The following C12orf56 variants were observed in gnomAD, a reference collection of about 807,000 sequenced individuals.
C12orf56 encodes uncharacterized protein C12orf56.
A neutral mutation model predicts 69.9 loss-of-function variants in C12orf56; 71 were observed. The ratio of observed to expected loss-of-function variants is 1.02; its 90% CI spans 0.84 to 1.24. The LOEUF (loss-of-function observed/expected upper bound fraction) is 1.24, where lower values mean the gene tolerates loss of function less well. Among genes scored for constraint, C12orf56 ranks in the 50% most tolerant of loss-of-function variants. The pLI, the probability that C12orf56 is intolerant of heterozygous loss-of-function variation, is 0.00. For synonymous variants in C12orf56, 276 were observed against 274.1 expected (o/e 1.01, Z -0.07); for missense variants, 732 against 738.5 (o/e 0.99, Z 0.10).
At chr12:64,277,169 G>A (rs1201307099) in intron 9 of C12orf56, among the ~76,000 whole-genome samples, 3 of 152,040 alleles carry the variant, frequency 2.0e-5, no homozygotes, top group Admixed American at 6.6e-5. Context: ...CAGAAGGTAT[G>A]CCTTCTAGGC....
chr12:64,375,534 G>A (rs1471668548), intron 1 of C12orf56, among the ~76,000 whole-genome samples: 1 of 152,186 alleles, frequency 6.6e-6, no homozygotes, highest in African/African-American at 2.4e-5. Flanking sequence ...GTGTAGTGGT[G>A]GTTCAAGAAG....
intron 10 of C12orf56, 157 bp from the exon 11 acceptor site, chr12:64,275,132 A>G (rs2038034426): frequency 1.3e-6 from 1 of 770,324 alleles, no homozygotes; most frequent in Non-Finnish European, 2.0e-6. Context: ...CAAAGTTCAT[A>G]TCATTGAAAT....
intron 2 of C12orf56, among the ~76,000 whole-genome samples, chr12:64,341,244 G>C (rs146953650): frequency 2.3e-4 from 35 of 152,278 alleles, no homozygotes; most frequent in African/African-American, 8.4e-4. Flanking sequence ...ATGGGAACAG[G>C]AAGCAAAAAT....
At chr12:64,355,745 G>GT (rs1348877129) in intron 1 of C12orf56, 1 of 152,172 alleles carries the variant, frequency 6.6e-6, no homozygotes, top group Non-Finnish European at 1.5e-5. Context: ...ATATAGTTTT[G>GT]TTTTTTCTTC....
intron 1 of C12orf56, chr12:64,389,330 C>G (rs371941523): frequency 6.6e-6 from 1 of 152,246 alleles, no homozygotes; most frequent in East Asian, 1.9e-4. Context: ...GTGGCAGGCC[C>G]GACGTCTTTC....
chr12:64,364,692 A>G (rs1400269080), intron 1 of C12orf56, among the ~76,000 whole-genome samples: 1 of 152,088 alleles, frequency 6.6e-6, no homozygotes, highest in South Asian at 2.1e-4. Context: ...TCCCTTTACT[A>G]ACTTTAATCT....
At chr12:64,323,150 G>A (rs2038793480) in intron 3 of C12orf56, among the ~76,000 whole-genome samples, 1 of 152,332 alleles carries the variant, frequency 6.6e-6, no homozygotes, top group Middle Eastern at 3.4e-3. Flanking sequence ...GGTGTTCAGG[G>A]AGAGAAGATG....
chr12:64,353,091 A>G (rs2135951386), intron 1 of C12orf56, 35 bp from the exon 2 acceptor site: 1 of 1,592,514 alleles, frequency 6.3e-7, no homozygotes, highest in Non-Finnish European at 8.6e-7. Flanking sequence ...ATTGAAGACA[A>G]ATACAACTGC....
intron 8 of C12orf56, among the ~76,000 whole-genome samples, chr12:64,281,293 G>A (rs940409882): frequency 6.6e-5 from 10 of 151,780 alleles, no homozygotes; most frequent in Non-Finnish European, 1.3e-4. Context: ...AAAAGAGCCC[G>A]GGTGCGGTGG....
chr12:64,303,501 C>T (rs2038473665), intron 6 of C12orf56, 134 bp downstream of exon 6: 2 of 744,092 alleles, frequency 2.7e-6, no homozygotes, highest in East Asian at 2.8e-5. Flanking sequence ...GACATGACTA[C>T]ATTAAATTTT....
At chr12:64,290,910 G>A (rs2038278521) in intron 6 of C12orf56, among the ~76,000 whole-genome samples, 14 of 17,794 alleles carry the variant, frequency 7.9e-4, no homozygotes, top group African/African-American at 1.4e-3. Context: ...TATCCTTGTT[G>A]ACTTTCTGTC....
chr12:64,322,830 G>C (rs907539430), intron 3 of C12orf56, among the ~76,000 whole-genome samples: 10 of 152,142 alleles, frequency 6.6e-5, no homozygotes, highest in African/African-American at 2.4e-4. Context: ...TTATGGAGAT[G>C]ACAGTGCTAA....
At chr12:64,317,205 G>A (rs1037144953) in intron 4 of C12orf56, among the ~76,000 whole-genome samples, 1 of 151,912 alleles carries the variant, frequency 6.6e-6, no homozygotes, top group African/African-American at 2.4e-5. Context: ...AAAAATTAAG[G>A]GTTGTCCTGT....
chr12:64,319,751 G>T (rs2038746179), intron 3 of C12orf56, among the ~76,000 whole-genome samples: 1 of 152,176 alleles, frequency 6.6e-6, no homozygotes, highest in South Asian at 2.1e-4. Flanking sequence ...GCAAAAACAG[G>T]AGGTAAAGAA....
intron 11 of C12orf56, among the ~76,000 whole-genome samples, chr12:64,271,832 A>T (rs888231723): frequency 1.3e-5 from 2 of 152,210 alleles, no homozygotes. Context: ...CCTTTCTCTA[A>T]CCAAGTAAGA....
rs115289003 is a variant in C12orf56, at chr12:64,383,900, G to T, written c.252+6414C>A. On this transcript the variant is annotated intron_variant, in intron 1 of 12. Coordinates refer to ENST00000543942, the MANE Select transcript of C12orf56 (RefSeq NM_001170633.2). ...TGGAGACAAAAATGAATCCAGCTAA[G>T]TATAAGGCTGTGAGCTAACTGCTGT... 7.2e-3 allele frequency among the ~76,000 whole-genome samples: 1,102 copies of T among 152,312 alleles called. 20 individuals carry two copies. Among genetic ancestry groups the T allele is most frequent in the African/African-American group, 0.024 (1,010 of 41,572 alleles).
rs369019083 is a variant in C12orf56, at chr12:64,319,007, A to G, written c.489-27T>C. 3.1e-4 allele frequency: 450 copies of G among 1,433,088 alleles called. 4 individuals are homozygous for G. The African/African-American group carries it at 4.0e-3, about 13-fold the overall frequency. The allele number at this position is 1,433,088 out of a possible 1,614,324, so 88.8% of individuals were successfully genotyped here. On this transcript the variant is annotated intron_variant, in intron 3 of 12. Transcript: ENST00000543942. ...TGTCAGGTAGAATTTAGTATTAAAC[A>G]TGACATGCAAAATTTCACAGTAAGC...
intron 3 of C12orf56, among the ~76,000 whole-genome samples, chr12:64,325,800 G>A (rs898555605): frequency 1.3e-5 from 2 of 152,048 alleles, no homozygotes; most frequent in Non-Finnish European, 2.9e-5. Flanking sequence ...ATCTGTGCCT[G>A]CTAAGGAAAA....
At chr12:64,350,195 A>T (rs998281242) in intron 2 of C12orf56, among the ~76,000 whole-genome samples, 23 of 152,044 alleles carry the variant, frequency 1.5e-4, no homozygotes, top group African/African-American at 5.1e-4. Context: ...GATGCAGTGT[A>T]TACTGCTTGG....
Sources: allele counts gnomAD v4.1 joint callset (sites outside exome capture counted in the v4.1 genomes callset), GRCh38; gene constraint gnomAD v4.1.1; transcripts MANE v1.5; gene names NCBI Gene and HGNC (gene_info 2026-07-23, HGNC 2026-07-21).